Variants in THOC6 observed in about 807,000 individuals in gnomAD.
THOC6 encodes THO complex subunit 6.
Under a neutral mutation model 55.8 loss-of-function variants are expected in THOC6, and 39 were observed. That is an observed-to-expected ratio of 0.70 (90% CI 0.54 to 0.91). The LOEUF (loss-of-function observed/expected upper bound fraction) is 0.91. Ranked by LOEUF, THOC6 falls within the 40% of genes least tolerant of loss-of-function variation. The probability of loss-of-function intolerance (pLI) is 0.00; values close to 1 mark genes in which losing one functional copy is unlikely to be tolerated. For synonymous variants in THOC6, 192 were observed against 175.6 expected, an observed-to-expected ratio of 1.09 and a Z score of -0.74; for missense variants, 482 against 442.0, an observed-to-expected ratio of 1.09 and a Z score of -0.81.
In THOC6 at chr16:3,026,134, A is replaced by G; in HGVS notation, c.292A>G (p.Lys98Glu). Residue 98 changes from lysine (K) to glutamate (E), a missense_variant, in exon 4 of 13, where the codon AAG becomes GAG. Physicochemically the swap from Lys to Glu is moderately conservative, Grantham distance 56. Coordinates refer to ENST00000326266, the MANE Select transcript of THOC6 (RefSeq NM_024339.5). ...HLLSAGDGEVKAWLWAEMLKK... is the reference protein window; with the variant it reads ...HLLSAGDGEVEAWLWAEMLKK... ...GCTTAGTGCTGGGGATGGGGAGGTG[A>G]AGGCCTGGCTTTGGGCGGAGATGCT... 6.2e-7 allele frequency: 1 copy of G among 1,608,076 alleles called. No individual in the cohort carries two copies. The highest frequency in any genetic ancestry group is 8.5e-7 in the Non-Finnish European group (1 of 1,175,736).
intron 7 of THOC6, 27 bp downstream of exon 7, chr16:3,026,614 C>T (rs761600603): frequency 5.0e-6 from 8 of 1,613,134 alleles, no homozygotes; most frequent in Admixed American, 1.7e-5. Flanking sequence ...AGCCCTAGAG[C>T]AGGTCTAGGT....
At chr16:3,026,195 G>A in intron 4 of THOC6, 29 bp downstream of exon 4, 1 of 1,613,438 alleles carries the variant, frequency 6.2e-7, no homozygotes, top group Non-Finnish European at 8.5e-7. Flanking sequence ...GAAAGGGCTG[G>A]GGTGCCTGGA....
chr16:3,026,492 C>T (rs770325791), intron 6 of THOC6, 24 bp from the exon 7 acceptor site: 4 of 1,614,108 alleles, frequency 2.5e-6, no homozygotes, highest in Non-Finnish European at 1.7e-6. Flanking sequence ...CATTGACTTT[C>T]TGCCTCATCC....
chr16:3,027,164 G>A lies in THOC6; in HGVS notation c.700-6G>A. 6.2e-7 allele frequency: 1 copy of A among 1,614,144 alleles called. No homozygotes were observed. Among genetic ancestry groups the A allele is most frequent in the Non-Finnish European group, 8.5e-7 (1 of 1,180,020 alleles). ...CACAGCTGGGGACTCCCACCTTTCT[G>A]TCCAGGTCTGTGGAGGGGGCCCAGC... On this transcript the variant is annotated splice_polypyrimidine_tract_variant and splice_region_variant and intron_variant, in intron 10 of 12. Coordinates refer to ENST00000326266, the MANE Select transcript of THOC6 (RefSeq NM_024339.5).
At chr16:3,024,636 A>C (rs996037120) in intron 1 of THOC6, among the ~76,000 whole-genome samples, 11 of 105,814 alleles carry the variant, frequency 1.0e-4, no homozygotes, top group East Asian at 4.5e-4. Flanking sequence ...CTTGCAAAGC[A>C]CTTTTTTTTT....
chr16:3,027,709 C>CTTTT lies in THOC6; in HGVS notation c.*66_*69dup. 5 of 1,350,130 alleles carry CTTTT rather than the reference C, an allele frequency of 3.7e-6. No individual in the cohort carries two copies. The highest frequency in any genetic ancestry group is 2.5e-5 in the Admixed American group (1 of 39,442). 83.6% of individuals were successfully genotyped at this position (1,350,130 alleles called of 1,614,324 possible). On this transcript the variant is annotated 3_prime_UTR_variant, in exon 13 of 13. Coordinates refer to ENST00000326266, the MANE Select transcript of THOC6 (RefSeq NM_024339.5). ...AGGGTTTTAGAGTGTTTTTCATTTT[C>CTTTT]TTTTTTTTTTTTTTTTTACAATAAA...
rs2072800162 is a variant in THOC6 at position 3,026,584 on chromosome 16, C to G, written c.480C>G (p.Phe160Leu). The change falls in exon 7 of 13, where the codon TTC becomes TTG. Residue 160 changes from phenylalanine (F) to leucine (L), a missense_variant. By Grantham distance (22) the Phe-to-Leu change is conservative. Coordinates refer to ENST00000326266, the MANE Select transcript of THOC6 (RefSeq NM_024339.5). ...CTATGGACCTTGAAACTGGGACTTT[C>G]ACGGTGAGCAGGGTCCTGGAGCCCT... The part of the protein sequence containing the change: ...LHTMDLETGT[F>L]TRVLRGHTDY... 2 of 1,613,938 alleles carry G rather than the reference C, an allele frequency of 1.2e-6. No individual in the cohort carries two copies. The highest frequency in any genetic ancestry group is 1.3e-5 in the African/African-American group (1 of 74,996).
rs1205409937 is a variant in THOC6 at position 3,026,055 on chromosome 16, C to T, written c.221-8C>T. 11 of 1,613,180 alleles carry T rather than the reference C, an allele frequency of 6.8e-6. No homozygotes were observed. Among genetic ancestry groups the T allele is most frequent in the Non-Finnish European group, 9.3e-6 (11 of 1,179,240 alleles). ...GATTGGCTCACTCAGTTCTGCATTT[C>T]TCTTTAGCCCATGATGGGCCCGTCT... On this transcript the variant is annotated splice_polypyrimidine_tract_variant and splice_region_variant and intron_variant, in intron 3 of 12. Transcript: ENST00000326266.
chr16:3,024,355 C>G lies in THOC6; in HGVS notation c.29C>G (p.Pro10Arg). MERAVPLAV[P>R]LGQTEVFQAL... ...GAGCGAGCTGTGCCGCTCGCGGTGCCTCTGGGTCAGGTGAGACGGACGTGG... is the reference window on the plus strand; with the variant it reads ...GAGCGAGCTGTGCCGCTCGCGGTGCGTCTGGGTCAGGTGAGACGGACGTGG... The change falls in exon 1 of 13, where the codon CCT (proline) becomes CGT (arginine). Residue 10 changes from proline (P) to arginine (R), a missense_variant. Transcript: ENST00000326266. 1.2e-6 allele frequency: 2 copies of G among 1,614,144 alleles called. No individual in the cohort carries two copies. The highest frequency in any genetic ancestry group is 1.1e-5 in the South Asian group (1 of 91,084).
intron 12 of THOC6, 26 bp downstream of exon 12, chr16:3,027,526 G>C (rs374856227): frequency 4.3e-6 from 7 of 1,611,736 alleles, no homozygotes; most frequent in Non-Finnish European, 5.9e-6. Context: ...GCCGCGGAGC[G>C]GCTGGGAGGC....
chr16:3,024,238 G>C lies in THOC6; in HGVS notation c.-89G>C. 6.4e-7 allele frequency: 1 copy of C among 1,551,048 alleles called. No individual in the cohort carries two copies. The highest frequency in any genetic ancestry group is 8.9e-7 in the Non-Finnish European group (1 of 1,127,512). ...AGCCACCTTCGCGCCGAAGGCGGTA[G>C]GGCGCCACGGAGAGGAACCGCTCTA... On this transcript the variant is annotated 5_prime_UTR_variant, in exon 1 of 13. The change abolishes the stop of an existing upstream ORF in the 5' untranslated region. Coordinates refer to ENST00000326266, the MANE Select transcript of THOC6 (RefSeq NM_024339.5).
At position 3,026,911 on chromosome 16, in the gene THOC6, C is replaced by G; in HGVS notation, c.631C>G (p.His211Asp). 6.2e-7 allele frequency: 1 copy of G among 1,614,218 alleles called. No homozygotes were observed. The highest frequency in any genetic ancestry group is 8.5e-7 in the Non-Finnish European group (1 of 1,180,046). Residue 211 changes from histidine (H) to aspartate (D), a missense_variant, in exon 9 of 13, where the codon CAC becomes GAC. Physicochemically the swap from His to Asp is moderately conservative, Grantham distance 81 (BLOSUM62 -1). Coordinates refer to ENST00000326266, the MANE Select transcript of THOC6 (RefSeq NM_024339.5). Reference sequence around the variant, plus strand: ...GGTCCAGACGATCGAGGTCTATAAGCACGAGGTGAGGGTGTGACCGTGGCC... The same window carrying G: ...GGTCCAGACGATCGAGGTCTATAAGGACGAGGTGAGGGTGTGACCGTGGCC... The part of the protein sequence containing the change: ...KEVQTIEVYK[H>D]EECSRPHNGR...
rs1228725010 is a variant in THOC6 at position 3,026,925 on chromosome 16, G to A, written c.636+9G>A. On this transcript the variant is annotated intron_variant, in intron 9 of 12. Coordinates refer to ENST00000326266, the MANE Select transcript of THOC6 (RefSeq NM_024339.5). ...AGGTCTATAAGCACGAGGTGAGGGT[G>A]TGACCGTGGCCATTGTCCTCTTCTC... 2 of 1,614,102 alleles carry A rather than the reference G, an allele frequency of 1.2e-6. No homozygotes were observed. The highest frequency in any genetic ancestry group is 1.7e-6 in the Non-Finnish European group (2 of 1,180,036).
At position 3,026,709 on chromosome 16, in the gene THOC6, C is replaced by G. The variant is rs201879540; in HGVS notation, c.514C>G (p.His172Asp). 23 of 1,613,600 alleles carry G rather than the reference C, an allele frequency of 1.4e-5. No individual in the cohort carries two copies. In the African/African-American group the frequency reaches 3.1e-4, roughly 22 times the overall value. ...CCTCCGGGGCCACACAGACTACATCCACTGCCTGGCACTGCGGGAAAGGAG... is the reference window on the plus strand; with the variant it reads ...CCTCCGGGGCCACACAGACTACATCGACTGCCTGGCACTGCGGGAAAGGAG... Reference protein sequence around the residue: ...RVLRGHTDYIHCLALRERSPE... With the variant: ...RVLRGHTDYIDCLALRERSPE... Residue 172 changes from histidine (H) to aspartate (D), a missense_variant, in exon 8 of 13, where the codon CAC (histidine) becomes GAC (aspartate). Physicochemically the swap from His to Asp is moderately conservative, Grantham distance 81. Transcript: ENST00000326266.
rs1427932393 is a variant in THOC6, at chr16:3,025,931, TCTG to T, written c.166_168del (p.Ala56del). ...CCTCCGCTGTCCCTGCAGCTTGTCC[TCTG>T]CTTTGAGCTCAGAAGCCAAAGAGGA... On this transcript the variant is annotated inframe_deletion, in exon 3 of 13. Coordinates refer to ENST00000326266, the MANE Select transcript of THOC6 (RefSeq NM_024339.5). 6.2e-7 allele frequency: 1 copy of T among 1,614,128 alleles called. No individual in the cohort carries two copies. The highest frequency in any genetic ancestry group is 1.3e-5 in the African/African-American group (1 of 74,944).
rs758077838 is a variant in THOC6, at chr16:3,027,013, G to C, written c.639G>C (p.Glu213Asp). 6.2e-7 allele frequency: 1 copy of C among 1,614,182 alleles called. No individual in the cohort carries two copies. The highest frequency in any genetic ancestry group is 1.1e-5 in the South Asian group (1 of 91,084). The change falls in exon 10 of 13, where the codon GAG (glutamate) becomes GAC (aspartate). Residue 213 changes from glutamate to aspartate, a missense_variant and splice_region_variant. Glu to Asp is a conservative substitution (Grantham distance 45). Transcript: ENST00000326266. Reference protein sequence around the residue: ...VQTIEVYKHEECSRPHNGRWI... With the variant: ...VQTIEVYKHEDCSRPHNGRWI... ...CCCTCCTCCCCTCCCCATCCCAGGA[G>C]TGCTCGAGGCCCCACAATGGGCGCT...
At position 3,024,074 on chromosome 16, in the gene THOC6, C is replaced by T; in HGVS notation, c.-253C>T. 1 of 800,780 alleles carries T rather than the reference C, an allele frequency of 1.2e-6. No individual in the cohort carries two copies. Among genetic ancestry groups the T allele is most frequent in the Middle Eastern group, 3.1e-4 (1 of 3,238 alleles). The allele number at this position is 800,780 out of a possible 1,614,324, so 49.6% of individuals were successfully genotyped here. A position where few individuals can be genotyped will look rare whatever the true frequency, so the allele number is the denominator to read the frequency against. ...CTGCGCGGGCGCGGAAGACGGGCGG[C>T]GCGTGGCGGAAGGCAGGCTTGCTCC... On this transcript the variant is annotated 5_prime_UTR_variant, in exon 1 of 13. Transcript: ENST00000326266.
chr16:3,027,513 G>A lies in THOC6; in HGVS notation c.945+13G>A. ...GCCTGAGTGCAAGGTGGGTCCGGCA[G>A]GGGCCGCGGAGCGGCTGGGAGGCAG... On this transcript the variant is annotated intron_variant, in intron 12 of 12. Coordinates refer to ENST00000326266, the MANE Select transcript of THOC6 (RefSeq NM_024339.5). 1.2e-6 allele frequency: 2 copies of A among 1,611,946 alleles called. No individual in the cohort carries two copies. The highest frequency in any genetic ancestry group is 1.7e-6 in the Non-Finnish European group (2 of 1,178,930).
At chr16:3,025,370 G>A (rs1371959036) in intron 1 of THOC6, among the ~76,000 whole-genome samples, 1 of 152,228 alleles carries the variant, frequency 6.6e-6, no homozygotes, top group African/African-American at 2.4e-5. Flanking sequence ...CTGAGTGACA[G>A]CCCCATGTAA....
Sources: gnomAD v4.1 joint callset for allele counts (sites outside exome capture counted in the v4.1 genomes callset) on GRCh38, gnomAD v4.1.1 for gene constraint, MANE v1.5 for transcripts, NCBI Gene and HGNC (gene_info 2026-07-23, HGNC 2026-07-21) for gene names.